Variants in MLLT10 observed in about 807,000 individuals in gnomAD.
The protein encoded by MLLT10 is MLLT10 histone lysine methyltransferase DOT1L cofactor.
Under a neutral mutation model 129.1 loss-of-function variants are expected in MLLT10, and 30 were observed. That is an observed-to-expected ratio of 0.23 (90% confidence interval 0.17 to 0.32). The LOEUF is 0.32. MLLT10 is among the 10% of genes least tolerant of loss of function. The pLI, the probability that MLLT10 is intolerant of heterozygous loss-of-function variation, is 1.00. For missense variants in MLLT10, 1,119 were observed against 1,268.3 expected (o/e 0.88, Z 1.79); for synonymous variants, 490 against 446.4 (o/e 1.10, Z -1.23).
Position 21,730,904 on chromosome 10 carries a change from C to A in MLLT10, c.2068C>A (p.Pro690Thr). The A allele has an allele frequency of 1.2e-6, 2 of 1,614,020 alleles. No individual in the cohort carries two copies. Among genetic ancestry groups the A allele is most frequent in the South Asian group, 2.2e-5 (2 of 91,082 alleles). ...CTTGAGAATTGTTTTCAACAGATCC[C>A]CTGTAAGCAGCTTACAGATTCGCTA... ...SPRGSLSPRS[P>T]VSSLQIRYDQ... The change falls in exon 17 of 23, where the codon CCT (proline) becomes ACT (threonine). Residue 690 changes from proline to threonine, a missense_variant. Transcript: ENST00000307729.
chr10:21,571,603 G>A (rs6482186), intron 3 of MLLT10, among the ~76,000 whole-genome samples: 4,587 of 152,174 alleles, frequency 0.03, 236 homozygotes, highest in African/African-American at 0.1. Context: ...TTATTATTTC[G>A]TGCAAGGAGG....
chr10:21,701,883 C>G (rs1371681063), intron 13 of MLLT10, among the ~76,000 whole-genome samples: 1 of 151,968 alleles, frequency 6.6e-6, no homozygotes, highest in African/African-American at 2.4e-5. Flanking sequence ...GCCACCGCAC[C>G]TGGTTATGTT....
At chr10:21,577,158 A>G (rs1372387957) in intron 3 of MLLT10, among the ~76,000 whole-genome samples, 2 of 152,206 alleles carry the variant, frequency 1.3e-5, no homozygotes, top group Non-Finnish European at 2.9e-5. Context: ...TCTTTCTCCT[A>G]GCATAATGTA....
intron 16 of MLLT10, among the ~76,000 whole-genome samples, chr10:21,730,039 G>A (rs898928590): frequency 3.3e-5 from 5 of 152,068 alleles, no homozygotes; most frequent in African/African-American, 9.7e-5. Flanking sequence ...AGGCCTGGGC[G>A]GGAGGAACAC....
intron 13 of MLLT10, among the ~76,000 whole-genome samples, chr10:21,706,615 T>A (rs1421960155): frequency 6.6e-6 from 1 of 152,232 alleles, no homozygotes; most frequent in Non-Finnish European, 1.5e-5. Flanking sequence ...ACAGTCTTTT[T>A]CCTGAATAAG....
intron 13 of MLLT10, among the ~76,000 whole-genome samples, chr10:21,713,103 C>T (rs1260020639): frequency 1.3e-5 from 2 of 152,142 alleles, no homozygotes; most frequent in African/African-American, 4.8e-5. Flanking sequence ...GTAAATGGAG[C>T]TGCCAACTCA....
intron 13 of MLLT10, among the ~76,000 whole-genome samples, chr10:21,704,357 C>CTCTCTCTA (rs1343170893): frequency 2.2e-4 from 25 of 111,874 alleles, no homozygotes; most frequent in African/African-American, 6.5e-4. Flanking sequence ...CTCTCTCTCT[C>CTCTCTCTA]TATATATATA....
intron 3 of MLLT10, chr10:21,557,144 A>G (rs2038134430): frequency 7.3e-7 from 1 of 1,361,328 alleles, no homozygotes; most frequent in African/African-American, 1.5e-5. Context: ...CTTCGCTGTT[A>G]AACTTCCTGA....
At chr10:21,629,489 A>G (rs1055188099) in intron 8 of MLLT10, among the ~76,000 whole-genome samples, 2 of 152,128 alleles carry the variant, frequency 1.3e-5, no homozygotes, top group African/African-American at 4.8e-5. Flanking sequence ...TTTCTACCAC[A>G]CCTTGAGATT....
intron 21 of MLLT10, among the ~76,000 whole-genome samples, chr10:21,736,099 T>C (rs1455002618): frequency 1.3e-5 from 2 of 152,148 alleles, no homozygotes; most frequent in Non-Finnish European, 2.9e-5. Flanking sequence ...TTGAACAGAA[T>C]AGTGAAATAA....
At chr10:21,590,413 C>G (rs2042385917) in intron 4 of MLLT10, among the ~76,000 whole-genome samples, 1 of 151,560 alleles carries the variant, frequency 6.6e-6, no homozygotes, top group South Asian at 2.1e-4. Context: ...GATGTCGGCT[C>G]ACTGCAGACT....
At chr10:21,556,050 A>G (rs773269859) in intron 3 of MLLT10, among the ~76,000 whole-genome samples, 2 of 137,720 alleles carry the variant, frequency 1.5e-5, no homozygotes, top group African/African-American at 2.8e-5. Context: ...ATCTCGGCTC[A>G]CTGCAACCTT....
intron 6 of MLLT10, among the ~76,000 whole-genome samples, chr10:21,613,179 C>T (rs985809247): frequency 9.1e-6 from 1 of 110,072 alleles, no homozygotes; most frequent in Non-Finnish European, 1.7e-5. Flanking sequence ...GGCGACAAAC[C>T]AAGACTCTGT....
At chr10:21,659,035 CCTG>C (rs2049899323) in intron 9 of MLLT10, among the ~76,000 whole-genome samples, 1 of 152,028 alleles carries the variant, frequency 6.6e-6, no homozygotes. Context: ...CTCCCCACCA[CCTG>C]CTTTTTTTTT....
chr10:21,733,512 AC>A lies in MLLT10; in HGVS notation c.2417del (p.Thr806MetfsTer4). ...GTCTTTTATTATTCTAGCTCCTACT[AC>A]TGATTCCTTGAACAGCAGTAAGAGC... ...HTFSAQTAPT[T>X]DSLNSSKSPH... On this transcript the variant is annotated frameshift_variant, in exon 19 of 23. Coordinates refer to ENST00000307729, the MANE Select transcript of MLLT10 (RefSeq NM_001195626.3). LOFTEE classifies it high-confidence loss of function. 6.5e-7 allele frequency: 1 copy of A among 1,543,896 alleles called. No homozygotes were observed. Among genetic ancestry groups the A allele is most frequent in the Non-Finnish European group, 8.7e-7 (1 of 1,150,026 alleles).
At chr10:21,618,492 G>A (rs1589256639) in intron 8 of MLLT10, among the ~76,000 whole-genome samples, 2 of 151,864 alleles carry the variant, frequency 1.3e-5, no homozygotes, top group South Asian at 4.2e-4. Context: ...GCGACGGAGC[G>A]ATACTCTTGT....
intron 11 of MLLT10, among the ~76,000 whole-genome samples, chr10:21,674,970 CAAACAAATAAAT>C (rs1228173272): frequency 9.0e-6 from 1 of 110,548 alleles, no homozygotes; most frequent in East Asian, 2.2e-4. Context: ...CTTCAATAAA[CAAACAAATAAAT>C]AAACAAATAA....
rs370208458 is a variant in MLLT10, at chr10:21,559,396, T to C, written c.240+20484T>C. Among the ~76,000 whole-genome samples the C allele has an allele frequency of 2.4e-4, 36 of 152,354 alleles. No homozygotes were observed. In the South Asian group the frequency reaches 7.5e-3, roughly 32 times the overall value. Reference sequence around the variant, plus strand: ...CTTGGCAAGAATGGACATCTTTATATATAGTTTTGAATTTTTGAATCCATG... The same window carrying C: ...CTTGGCAAGAATGGACATCTTTATACATAGTTTTGAATTTTTGAATCCATG... On this transcript the variant is annotated intron_variant, in intron 3 of 22. Transcript: ENST00000307729.
At chr10:21,641,392 A>G (rs184645797) in intron 8 of MLLT10, among the ~76,000 whole-genome samples, 1 of 152,358 alleles carries the variant, frequency 6.6e-6, no homozygotes, top group African/African-American at 2.4e-5. Flanking sequence ...TTAGAGAAAA[A>G]TTATTAAATT....
Sources: gnomAD v4.1 joint callset for allele counts (sites outside exome capture counted in the v4.1 genomes callset) on GRCh38, gnomAD v4.1.1 for gene constraint, MANE v1.5 for transcripts, NCBI Gene and HGNC (gene_info 2026-07-23, HGNC 2026-07-21) for gene names.